PLEKHG1: variants seen among roughly 807,000 people sequenced by gnomAD.
The protein encoded by PLEKHG1 is pleckstrin homology domain-containing family G member 1.
Under a neutral mutation model 100.8 loss-of-function variants are expected in PLEKHG1, and 44 were observed. That is an observed-to-expected ratio of 0.44 (90% CI 0.34 to 0.56). The LOEUF (loss-of-function observed/expected upper bound fraction) is 0.56. Among genes scored for constraint, PLEKHG1 ranks in the 20% least tolerant of loss-of-function variants. The pLI is 0.01. For missense variants in PLEKHG1, 1,545 were observed against 1,720.9 expected, an observed-to-expected ratio of 0.90 and a Z score of 1.81; for synonymous variants, 640 against 662.5, an observed-to-expected ratio of 0.97 and a Z score of 0.52.
intron 14 of PLEKHG1, among the ~76,000 whole-genome samples, chr6:150,828,894 G>A (rs1481878615): frequency 4.6e-5 from 7 of 152,148 alleles, no homozygotes; most frequent in Non-Finnish European, 1.0e-4. Flanking sequence ...ATTAAAGAAT[G>A]TGAAAAACAT....
At chr6:150,659,302 A>C (rs1008369482) in intron 3 of PLEKHG1, among the ~76,000 whole-genome samples, 4 of 151,302 alleles carry the variant, frequency 2.6e-5, no homozygotes, top group Admixed American at 6.6e-5. Flanking sequence ...TTTTTTTTTC[A>C]GTTTTAATTC....
At chr6:150,668,263 C>G (rs764684415) in intron 3 of PLEKHG1, among the ~76,000 whole-genome samples, 6 of 152,128 alleles carry the variant, frequency 3.9e-5, no homozygotes, top group African/African-American at 1.2e-4. Context: ...ATCATGGGAG[C>G]CTTCAACAGC....
intron 2 of PLEKHG1, among the ~76,000 whole-genome samples, chr6:150,749,383 A>G (rs1434625406): frequency 6.6e-6 from 1 of 152,200 alleles, no homozygotes; most frequent in Non-Finnish European, 1.5e-5. Flanking sequence ...CGTGGTTCAG[A>G]CAAAACCAGA....
In PLEKHG1 at chr6:150,831,138, G is replaced by A. The variant is rs759304114; in HGVS notation, c.2027G>A (p.Arg676Gln). The A allele has an allele frequency of 2.2e-5, 35 of 1,613,766 alleles. No homozygotes were observed. Among genetic ancestry groups the A allele is most frequent in the Admixed American group, 6.7e-5 (4 of 59,976 alleles). ...GACTTAAAACTAATGGTTGCTAAGC[G>A]GGAAGAAGCTGAATCCACTCCCTCT... Residue 676 changes from arginine (R) to glutamine (Q), a missense_variant, in exon 15 of 16, where the codon CGG becomes CAG. By Grantham distance (43) the Arg-to-Gln change is conservative (BLOSUM62 1). Transcript: ENST00000358517. The surrounding 1 kb of genome is among the most constrained non-coding windows in gnomAD (Gnocchi z 4.1).
chr6:150,646,149 C>T (rs1225493127), intron 2 of PLEKHG1, among the ~76,000 whole-genome samples: 1 of 152,176 alleles, frequency 6.6e-6, no homozygotes, highest in African/African-American at 2.4e-5. Flanking sequence ...GCCTGTTTTA[C>T]AGTTCAAAAG....
intron 3 of PLEKHG1, among the ~76,000 whole-genome samples, chr6:150,685,723 C>CT (rs1297640914): frequency 6.6e-6 from 1 of 152,128 alleles, no homozygotes. Flanking sequence ...TCAGAATACT[C>CT]TTTCTTTGGT....
exon 16 of PLEKHG1, chr6:150,840,226 A>C (rs1777451728): frequency 6.2e-7 from 1 of 1,614,200 alleles, no homozygotes; most frequent in Non-Finnish European, 8.5e-7. Context: ...GACCATCTTT[A>C]CAACTCCTTG....
intron 9 of PLEKHG1, 23 bp from the exon 11 acceptor site, chr6:150,809,625 C>A: frequency 6.2e-7 from 1 of 1,602,820 alleles, no homozygotes; most frequent in Non-Finnish European, 8.5e-7. Flanking sequence ...AGTTGTCTGA[C>A]TGTCTACATC....
At chr6:150,834,448 C>T (rs1485677072) in intron 15 of PLEKHG1, among the ~76,000 whole-genome samples, 1 of 152,050 alleles carries the variant, frequency 6.6e-6, no homozygotes, top group African/African-American at 2.4e-5. Flanking sequence ...TGGGTTATGC[C>T]CACAGACTAC....
intron 2 of PLEKHG1, among the ~76,000 whole-genome samples, chr6:150,768,323 A>C (rs1385028632): frequency 6.6e-6 from 1 of 152,198 alleles, no homozygotes; most frequent in Non-Finnish European, 1.5e-5. Flanking sequence ...GTCAAAGAAA[A>C]AGCAGACGAT....
chr6:150,738,803 G>A (rs755338599), intron 2 of PLEKHG1, among the ~76,000 whole-genome samples: 5 of 152,058 alleles, frequency 3.3e-5, no homozygotes, highest in Admixed American at 1.3e-4. Context: ...ACTGTGAACC[G>A]TAGTCAAAGG....
chr6:150,706,992 CTTTTTCTTTTTT>C (rs1781043769), intron 3 of PLEKHG1, among the ~76,000 whole-genome samples: 1 of 58,496 alleles, frequency 1.7e-5, no homozygotes, highest in African/African-American at 5.0e-5. Flanking sequence ...TTTTCTTTTT[CTTTTTCTTTTTT>C]TTTTTTTTTT....
intron 3 of PLEKHG1, 90 bp from the exon 5 acceptor site, chr6:150,786,300 C>T: frequency 1.2e-6 from 1 of 831,934 alleles, no homozygotes; most frequent in Non-Finnish European, 2.0e-6. Context: ...TTGTAAATGC[C>T]ATGGAAATGT....
upstream of PLEKHG1, among the ~76,000 whole-genome samples, chr6:150,719,667 A>T (rs1582998738): frequency 6.6e-6 from 1 of 152,142 alleles, no homozygotes; most frequent in East Asian, 1.9e-4. Flanking sequence ...GTTGAGCAGG[A>T]GGGAAGAGCC....
chr6:150,737,420 T>A (rs6914747), intron 2 of PLEKHG1, among the ~76,000 whole-genome samples: 24,363 of 151,002 alleles, frequency 0.16, 2,238 homozygotes, highest in East Asian at 0.24. Context: ...GCCTCCCGAG[T>A]AGCTGGGACT....
At chr6:150,840,448 T>G (rs1777465824) in exon 16 of PLEKHG1, 1 of 1,614,060 alleles carries the variant, frequency 6.2e-7, no homozygotes. Flanking sequence ...ACTGAAAAAC[T>G]CTCAGATCTC....
At chr6:150,788,157 C>G (rs1042219498) in intron 4 of PLEKHG1, among the ~76,000 whole-genome samples, 1 of 152,230 alleles carries the variant, frequency 6.6e-6, no homozygotes, top group Non-Finnish European at 1.5e-5. Context: ...ACTCCCAAAT[C>G]TTCCTTTTCA....
intron 2 of PLEKHG1, among the ~76,000 whole-genome samples, chr6:150,751,596 C>G (rs368335907): frequency 6.1e-4 from 93 of 152,188 alleles, no homozygotes; most frequent in African/African-American, 2.1e-3. Context: ...GGAGAGGCCC[C>G]GAGCTCTCAC....
intron 1 of PLEKHG1, among the ~76,000 whole-genome samples, chr6:150,631,038 T>C (rs758221065): frequency 6.6e-6 from 1 of 152,130 alleles, no homozygotes; most frequent in Non-Finnish European, 1.5e-5. Context: ...CTGATGATCC[T>C]TCTTAGAAGG....
Sources: gnomAD v4.1 joint callset for allele counts (sites outside exome capture counted in the v4.1 genomes callset) on GRCh38, gnomAD v4.1.1 for gene constraint, Gnocchi (gnomAD v3.1) non-coding constraint, MANE v1.5 for transcripts, NCBI Gene and HGNC (gene_info 2026-07-23, HGNC 2026-07-21) for gene names.